PRR16: variants seen among roughly 807,000 people sequenced by gnomAD.
The protein encoded by PRR16 is protein Largen.
In PRR16, 6 loss-of-function variants were observed where a neutral mutation model predicts 18.2. The observed-to-expected ratio is 0.33, with a 90% CI of 0.18 to 0.65. The LOEUF is 0.65. Ranked by LOEUF, PRR16 falls within the 30% of genes least tolerant of loss-of-function variation. The probability of loss-of-function intolerance (pLI) is 0.74; values close to 1 mark genes in which losing one functional copy is unlikely to be tolerated. For synonymous variants in PRR16, 151 were observed against 147.8 expected, an observed-to-expected ratio of 1.02 and a Z score of -0.16; for missense variants, 412 against 376.6, an observed-to-expected ratio of 1.09 and a Z score of -0.78.
chr5:120,555,533 TAG>T (rs112424816), intron 1 of PRR16, among the ~76,000 whole-genome samples: 149 of 146,732 alleles, frequency 1.0e-3, no homozygotes, highest in Non-Finnish European at 9.7e-4. Context: ...GTGGGAGAGA[TAG>T]AGAGAGAGAG....
intron 1 of PRR16, among the ~76,000 whole-genome samples, chr5:120,576,164 C>G (rs1449518393): frequency 6.6e-6 from 1 of 151,950 alleles, no homozygotes; most frequent in Non-Finnish European, 1.5e-5. Context: ...AAAGCGAAGA[C>G]AAACTAAAAA....
chr5:120,548,271 C>G (rs1752135720), intron 1 of PRR16, among the ~76,000 whole-genome samples: 1 of 152,200 alleles, frequency 6.6e-6, no homozygotes, highest in East Asian at 1.9e-4. Context: ...TGCTTGCTTA[C>G]CTGAGCACAT....
intron 1 of PRR16, among the ~76,000 whole-genome samples, chr5:120,527,859 A>G (rs578024685): frequency 6.6e-6 from 1 of 152,350 alleles, no homozygotes; most frequent in African/African-American, 2.4e-5. Context: ...CTAGAAGTAC[A>G]TGCTAGCCTG....
chr5:120,658,572 T>A (rs1252756819), intron 1 of PRR16, among the ~76,000 whole-genome samples: 2 of 151,912 alleles, frequency 1.3e-5, no homozygotes, highest in African/African-American at 4.8e-5. Flanking sequence ...CTCTTTCTGA[T>A]CCTGTATTAT....
chr5:120,563,400 A>C (rs528637842), intron 1 of PRR16, among the ~76,000 whole-genome samples: 1 of 152,264 alleles, frequency 6.6e-6, no homozygotes, highest in East Asian at 1.9e-4. Context: ...AAACCTTAGA[A>C]ATTAGCCTGA....
intron 1 of PRR16, among the ~76,000 whole-genome samples, chr5:120,488,926 A>G (rs1749917430): frequency 6.6e-6 from 1 of 152,054 alleles, no homozygotes; most frequent in Non-Finnish European, 1.5e-5. Context: ...GTCATTCAGG[A>G]GCAGGTTGTT....
chr5:120,719,483 C>T, the PRR16 span, among the ~76,000 whole-genome samples: 1 of 152,098 alleles, frequency 6.6e-6, no homozygotes, highest in African/African-American at 2.4e-5. Flanking sequence ...TTGTCTTTTT[C>T]CATTTTTCTG....
intron 1 of PRR16, among the ~76,000 whole-genome samples, chr5:120,563,546 C>T (rs1174305993): frequency 1.3e-5 from 2 of 152,176 alleles, no homozygotes; most frequent in Non-Finnish European, 2.9e-5. Context: ...AGGGTTCTTC[C>T]AGGCCACAGG....
At position 120,670,206 on chromosome 5, in the gene PRR16, T is replaced by C. The variant is rs532102636; in HGVS notation, c.160-15748T>C. 2.0e-5 allele frequency among the ~76,000 whole-genome samples: 3 copies of C among 152,266 alleles called. 1 individual carries two copies. The highest frequency in any genetic ancestry group is 4.1e-4 in the South Asian group (2 of 4,834). On this transcript the variant is annotated intron_variant, in intron 1 of 1. Transcript: ENST00000407149. ...ATATTCTATGTTTTGCCTTTCTCAG[T>C]ACCACATATAGAACATGTGTATTTA...
chr5:120,539,604 C>T (rs1751842688), intron 1 of PRR16, among the ~76,000 whole-genome samples: 1 of 151,808 alleles, frequency 6.6e-6, no homozygotes, highest in Non-Finnish European at 1.5e-5. Context: ...CATACCAAAC[C>T]CCTGAGACAT....
intron 1 of PRR16, among the ~76,000 whole-genome samples, chr5:120,587,901 T>C (rs2085177): frequency 0.83 from 125,902 of 152,136 alleles, 52,253 homozygotes; most frequent in East Asian, 0.9. Flanking sequence ...TAAAAACATT[T>C]TGGAAAAGAT....
chr5:120,742,922 C>T, the PRR16 span, among the ~76,000 whole-genome samples: 1 of 152,210 alleles, frequency 6.6e-6, no homozygotes, highest in Non-Finnish European at 1.5e-5. Context: ...CAGTGCACCA[C>T]TCCAACCTGT....
intron 1 of PRR16, among the ~76,000 whole-genome samples, chr5:120,510,744 T>C (rs1580667077): frequency 6.6e-6 from 1 of 152,198 alleles, no homozygotes; most frequent in South Asian, 2.1e-4. Flanking sequence ...ACCTCAAATC[T>C]TGAAATTGAG....
At chr5:120,644,363 C>G (rs1415339928) in intron 1 of PRR16, among the ~76,000 whole-genome samples, 1 of 152,052 alleles carries the variant, frequency 6.6e-6, no homozygotes. Context: ...AAAGGAAATG[C>G]CCAAGTATGT....
At chr5:120,757,485 C>A in the PRR16 span, among the ~76,000 whole-genome samples, 1 of 151,868 alleles carries the variant, frequency 6.6e-6, no homozygotes, top group African/African-American at 2.4e-5. Flanking sequence ...TCTGTGAGTT[C>A]TTTCAGCAGT....
intron 1 of PRR16, among the ~76,000 whole-genome samples, chr5:120,601,921 A>G (rs1753996386): frequency 6.6e-6 from 1 of 151,912 alleles, no homozygotes; most frequent in African/African-American, 2.4e-5. Context: ...CCATTTATCT[A>G]TGTGTTTGTT....
At chr5:120,575,318 A>AC (rs1554084545) in intron 1 of PRR16, among the ~76,000 whole-genome samples, 1 of 138,166 alleles carries the variant, frequency 7.2e-6, no homozygotes, top group East Asian at 2.1e-4. Flanking sequence ...CAGACAAGGA[A>AC]ACACACACAC....
chr5:120,531,282 T>C (rs1751542198), intron 1 of PRR16, among the ~76,000 whole-genome samples: 2 of 152,110 alleles, frequency 1.3e-5, no homozygotes, highest in East Asian at 1.9e-4. Flanking sequence ...TGGTGGTAGT[T>C]TGATGGCAAA....
intron 1 of PRR16, among the ~76,000 whole-genome samples, chr5:120,669,656 A>G (rs1205806659): frequency 6.6e-6 from 1 of 152,082 alleles, no homozygotes; most frequent in African/African-American, 2.4e-5. Flanking sequence ...TACCCAGCAT[A>G]TTTTAAGAGG....
Sources: gnomAD v4.1 joint callset for allele counts (sites outside exome capture counted in the v4.1 genomes callset) on GRCh38, gnomAD v4.1.1 for gene constraint, MANE v1.5 for transcripts, NCBI Gene and HGNC (gene_info 2026-07-23, HGNC 2026-07-21) for gene names.